Variants in TTN observed in about 807,000 individuals in gnomAD.
TTN encodes the protein connectin.
In TTN, 1,525 loss-of-function variants were observed where a neutral mutation model predicts 3,223.0. That is an observed-to-expected ratio of 0.47 (90% CI 0.45 to 0.49). The LOEUF is 0.49. Among genes scored for constraint, TTN ranks in the 20% least tolerant of loss-of-function variants. TTN has a pLI of 0.00. For missense variants in TTN, 40,786 were observed against 43,424.0 expected (o/e 0.94, Z 5.40); for synonymous variants, 14,094 against 15,161.0 (o/e 0.93, Z 5.17).
At chr2:178,789,911 G>A in intron 12 of TTN, 67 bp downstream of exon 12, 17 of 1,590,524 alleles carry the variant, frequency 1.1e-5, no homozygotes, top group East Asian at 2.3e-5. Context: ...ATACCATATT[G>A]TAGTTAATAG....
At chr2:178,746,653 T>C in intron 47 of TTN, 1 of 1,613,340 alleles carries the variant, frequency 6.2e-7, no homozygotes, top group Non-Finnish European at 8.5e-7. Context: ...ACTCTCCCCC[T>C]TCTCCTTTTT....
rs1381546881 is a variant in TTN at position 178,589,067 on chromosome 2, A to T, written c.62658T>A (p.Asp20886Glu). 1 of 1,609,290 alleles carries T rather than the reference A, an allele frequency of 6.2e-7. No homozygotes were observed. Among genetic ancestry groups the T allele is most frequent in the African/African-American group, 1.3e-5 (1 of 74,888 alleles). The change falls in exon 304 of 363, where the codon GAT becomes GAA. Residue 20886 changes from aspartate to glutamate, a missense_variant. By Grantham distance (45) the Asp-to-Glu change is conservative. Coordinates refer to ENST00000589042, the MANE Select transcript of TTN (RefSeq NM_001267550.2). The stretch of plus-strand genomic sequence containing the variant: ...CACAGCCACCATCATCTTCTGGTGG[A>T]TCCCAGCAAACAGTACACCTATCAC... ...VSSDRCTVCW[D>E]PPEDDGGCEI...
intron 146 of TTN, 66 bp from the exon 147 acceptor site, chr2:178,677,353 T>TGACC: frequency 4.1e-6 from 2 of 484,982 alleles, no homozygotes; most frequent in African/African-American, 2.3e-5. Context: ...TATATATATA[T>TGACC]ATATATATGA....
At position 178,654,232 on chromosome 2, in the gene TTN, T is replaced by C; in HGVS notation, c.38356A>G (p.Lys12786Glu). The change falls in exon 193 of 363, where the codon AAA becomes GAA. Residue 12786 changes from lysine (K) to glutamate (E), a missense_variant. By Grantham distance (56) the Lys-to-Glu change is moderately conservative. Coordinates refer to ENST00000589042, the MANE Select transcript of TTN (RefSeq NM_001267550.2). Reference sequence around the variant, plus strand: ...CCTTTTGCACGTGGGGCTTCCGGTTTTTTGGGCACAGCCACAGATACTTTC... The same window carrying C: ...CCTTTTGCACGTGGGGCTTCCGGTTCTTTGGGCACAGCCACAGATACTTTC... ...EKKVSVAVPK[K>E]PEAPRAKVPE... is the part of the protein sequence containing the mutation. The C allele has an allele frequency of 6.3e-7, 1 of 1,598,968 alleles. No homozygotes were observed. The highest frequency in any genetic ancestry group is 8.5e-7 in the Non-Finnish European group (1 of 1,177,938).
In TTN at chr2:178,565,466, T is replaced by C. The variant is rs571328201; in HGVS notation, c.80666A>G (p.Tyr26889Cys). ...AAGATCTTCTCCAGCTTGGATACTA[T>C]ATGTGTTAAATGGTAACTTTAAACT... ...QPSLKLPFNT[Y>C]SIQAGEDLKI... Residue 26889 changes from tyrosine (Y) to cysteine (C), a missense_variant, in exon 326 of 363, where the codon TAT (tyrosine) becomes TGT (cysteine). Physicochemically the swap from Tyr to Cys is radical, Grantham distance 194. Coordinates refer to ENST00000589042, the MANE Select transcript of TTN (RefSeq NM_001267550.2). The C allele has an allele frequency of 1.2e-4, 194 of 1,613,232 alleles. No individual in the cohort carries two copies. The highest frequency in any genetic ancestry group is 1.5e-4 in the Non-Finnish European group (181 of 1,179,598).
chr2:178,718,776 G>A lies in TTN; in HGVS notation c.24424C>T (p.Pro8142Ser). 1.9e-6 allele frequency: 3 copies of A among 1,613,732 alleles called. No individual in the cohort carries two copies. Among genetic ancestry groups the A allele is most frequent in the Non-Finnish European group, 2.5e-6 (3 of 1,179,740 alleles). The change falls in exon 84 of 363, where the codon CCA (proline) becomes TCA (serine). Residue 8142 changes from proline to serine, a missense_variant. Transcript: ENST00000589042. ...CAAGAATAGTCTCCACTTTCTAATG[G>A]CTGCACCTCAAACAACTCCAGTTCT... ...VTELELFEVQ[P>S]LESGDYSCLV... is the part of the protein sequence containing the mutation.
Position 178,558,479 on chromosome 2 carries a change from C to G in TTN, c.86980G>C (p.Val28994Leu). 1.2e-6 allele frequency: 2 copies of G among 1,613,850 alleles called. No homozygotes were observed. Among genetic ancestry groups the G allele is most frequent in the Non-Finnish European group, 1.7e-6 (2 of 1,179,832 alleles). ...ACAACGTGATGGGTTGACTTTGCCACTGCACATTTAACCCAGTTTTTCTGT... is the reference window on the plus strand; with the variant it reads ...ACAACGTGATGGGTTGACTTTGCCAGTGCACATTTAACCCAGTTTTTCTGT... ...KGQKNWVKCA[V>L]AKSTHHVVSG... Residue 28994 changes from valine to leucine, a missense_variant, in exon 327 of 363, where the codon GTG (valine) becomes CTG (leucine). Physicochemically the swap from Val to Leu is conservative, Grantham distance 32. Transcript: ENST00000589042.
intron 320 of TTN, 33 bp from the exon 321 acceptor site, chr2:178,578,748 T>G (rs769123708): frequency 6.9e-6 from 11 of 1,603,886 alleles, no homozygotes; most frequent in East Asian, 2.2e-5. Context: ...AGATTTATAA[T>G]AAGAAGCCTC....
intron 288 of TTN, among the ~76,000 whole-genome samples, chr2:178,600,162 G>T (rs967250476): frequency 2.0e-5 from 3 of 151,906 alleles, no homozygotes; most frequent in African/African-American, 4.8e-5. Context: ...AGAGGAGATT[G>T]TAGTAGGAGA....
rs767913696 is a variant in TTN at position 178,618,808 on chromosome 2, A to G, written c.46742T>C (p.Val15581Ala). Residue 15581 changes from valine to alanine, a missense_variant, in exon 251 of 363, where the codon GTT becomes GCT. By Grantham distance (64) the Val-to-Ala change is moderately conservative. Transcript: ENST00000589042. ...CACCACCATTGTCAGAGGCTTGCCA[A>G]CATCAACCACAAGGTCTTGGTCAGC... Reference protein sequence around the residue: ...KTADQDLVVDVGKPLTMVVPY... With the variant: ...KTADQDLVVDAGKPLTMVVPY... 6 of 1,610,938 alleles carry G rather than the reference A, an allele frequency of 3.7e-6. No homozygotes were observed. In the South Asian group the frequency reaches 5.5e-5, roughly 15 times the overall value.
rs1445369813 is a variant in TTN, at chr2:178,709,635, C to T, written c.28684G>A (p.Gly9562Ser). 6.2e-7 allele frequency: 1 copy of T among 1,613,926 alleles called. No homozygotes were observed. Among genetic ancestry groups the T allele is most frequent in the Non-Finnish European group, 8.5e-7 (1 of 1,179,820 alleles). Residue 9562 changes from glycine to serine, a missense_variant, in exon 99 of 363, where the codon GGT becomes AGT. By Grantham distance (56) the Gly-to-Ser change is moderately conservative. Coordinates refer to ENST00000589042, the MANE Select transcript of TTN (RefSeq NM_001267550.2). ...TTGGACACTTTGCATGTGTACAAAC[C>T]AGCGTCGTTCATGCCTGCTTTCCTG... ...QVRKAGMNDA[G>S]LYTCKVSNDA...
Position 178,534,749 on chromosome 2 carries a change from T to G in TTN, c.101866A>C (p.Lys33956Gln), listed in dbSNP as rs1690684721. 6 of 1,613,736 alleles carry G rather than the reference T, an allele frequency of 3.7e-6. No homozygotes were observed. In the African/African-American group the frequency reaches 6.7e-5, roughly 18 times the overall value. ...IYQTRRSSTI[K>Q]IIEFGQARQL... The stretch of plus-strand genomic sequence containing the variant: ...CGGGCTTGACCAAATTCTATGATTT[T>G]AATGGTAGAGCTTCTTCTGGTTTGG... Residue 33956 changes from lysine to glutamine, a missense_variant, in exon 358 of 363, where the codon AAA becomes CAA. Lys to Gln is a moderately conservative substitution (Grantham distance 53, BLOSUM62 1). Coordinates refer to ENST00000589042, the MANE Select transcript of TTN (RefSeq NM_001267550.2).
chr2:178,780,398 A>G (rs1009531137), intron 21 of TTN, among the ~76,000 whole-genome samples, 193 bp from the exon 22 acceptor site: 1 of 152,236 alleles, frequency 6.6e-6, no homozygotes, highest in African/African-American at 2.4e-5. Context: ...AAATCCAACC[A>G]GCCATTACAA....
intron 146 of TTN, 119 bp downstream of exon 146, chr2:178,677,502 T>G: frequency 9.3e-7 from 1 of 1,070,646 alleles, no homozygotes; most frequent in Non-Finnish European, 1.3e-6. Flanking sequence ...TTTCTAAGAT[T>G]TAGGTGGTCA....
chr2:178,805,963 T>C (rs1575053402), intron 1 of TTN, among the ~76,000 whole-genome samples: 1 of 152,338 alleles, frequency 6.6e-6, no homozygotes. Flanking sequence ...AAATACCTAA[T>C]TATTCAACAT....
In TTN at chr2:178,552,218, G is replaced by T; in HGVS notation, c.90682C>A (p.Pro30228Thr). Residue 30228 changes from proline to threonine, a missense_variant, in exon 335 of 363, where the codon CCC (proline) becomes ACC (threonine). Transcript: ENST00000589042. ...TVITLGPPSK[P>T]KGPIRFDEIK... is the part of the protein sequence containing the mutation. ...TCATCAAATCGAATGGGTCCTTTGG[G>T]CTTTGATGGTGGGCCAAGGGTGATG... is the stretch of plus-strand genomic sequence containing the variant. The T allele has an allele frequency of 6.2e-7, 1 of 1,613,420 alleles. No homozygotes were observed. Among genetic ancestry groups the T allele is most frequent in the Non-Finnish European group, 8.5e-7 (1 of 1,179,626 alleles).
intron 131 of TTN, 77 bp downstream of exon 131, chr2:178,684,589 G>T: frequency 1.4e-6 from 2 of 1,476,684 alleles, no homozygotes; most frequent in South Asian, 2.5e-5. Context: ...TAAACAGTAT[G>T]ACCCAAAGAA....
chr2:178,782,734 C>A (rs753343288), intron 18 of TTN, 72 bp downstream of exon 18: 170 of 1,610,164 alleles, frequency 1.1e-4, no homozygotes, highest in Non-Finnish European at 1.4e-4. Flanking sequence ...GCACAGAAAC[C>A]ATATTGTGGA....
rs1369651036 is a variant in TTN at position 178,610,479 on chromosome 2, T to G, written c.51137-90A>C. On this transcript the variant is annotated intron_variant, in intron 270 of 362. Transcript: ENST00000589042. ...TCTCTAAGTGGGGCTATCTGTATTT[T>G]GGGTAGGATAATCTTTGATGTGCTG... is the stretch of plus-strand genomic sequence containing the variant. 5.0e-6 allele frequency: 7 copies of G among 1,396,186 alleles called. No individual in the cohort carries two copies. In the Admixed American group the frequency reaches 1.5e-4, roughly 30 times the overall value. The allele number at this position is 1,396,186 out of a possible 1,614,324, so 86.5% of individuals were successfully genotyped here.
Sources: gnomAD v4.1 joint callset for allele counts (sites outside exome capture counted in the v4.1 genomes callset) on GRCh38, gnomAD v4.1.1 for gene constraint, MANE v1.5 for transcripts, NCBI Gene and HGNC (gene_info 2026-07-23, HGNC 2026-07-21) for gene names.